Variants in MASP1 observed in about 807,000 individuals in gnomAD.
MASP1 encodes MBL associated serine protease 1, also known as mannan-binding lectin serine protease 1.
MASP1 carries 59 observed loss-of-function variants against 77.1 expected under a neutral mutation model. The observed-to-expected ratio is 0.77, with a 90% CI of 0.62 to 0.95. The LOEUF (loss-of-function observed/expected upper bound fraction) is 0.95, where lower values mean the gene tolerates loss of function less well. MASP1 is among the 40% of genes least tolerant of loss of function. The pLI is 0.00. For synonymous variants in MASP1, 362 were observed against 354.5 expected, an observed-to-expected ratio of 1.02 and a Z score of -0.24; for missense variants, 885 against 912.9, an observed-to-expected ratio of 0.97 and a Z score of 0.39.
At chr3:187,245,389 C>T (rs1489460740) in intron 8 of MASP1, among the ~76,000 whole-genome samples, 1 of 152,010 alleles carries the variant, frequency 6.6e-6, no homozygotes, top group Non-Finnish European at 1.5e-5. Context: ...TGGACGGGCC[C>T]CTGGGAGCCT....
At chr3:187,278,821 A>G (rs959212262) in intron 2 of MASP1, among the ~76,000 whole-genome samples, 1 of 152,158 alleles carries the variant, frequency 6.6e-6, no homozygotes, top group African/African-American at 2.4e-5. Flanking sequence ...CGCTCCACAT[A>G]GTCATATCCA....
chr3:187,220,048 G>A lies in MASP1; in HGVS notation c.*23C>T, dbSNP rs538446039. 9 of 1,612,052 alleles carry A rather than the reference G, an allele frequency of 5.6e-6. No individual in the cohort carries two copies. The African/African-American group carries it at 1.2e-4, about 21-fold the overall frequency. On this transcript the variant is annotated 3_prime_UTR_variant, in exon 16 of 16. Transcript: ENST00000337774. ...TGCTACTGACTGCCCACAGCTGGTG[G>A]TGCTGGGGCTGAGGAGCCAAATTCA...
intron 6 of MASP1, among the ~76,000 whole-genome samples, chr3:187,252,256 G>A (rs1381339200): frequency 6.6e-6 from 1 of 152,182 alleles, no homozygotes; most frequent in Non-Finnish European, 1.5e-5. Context: ...GGACTCTGCT[G>A]ATTACATGAA....
rs372397038 is a variant in MASP1, at chr3:187,268,137, A to G, written c.238-5417T>C. 5.3e-4 allele frequency among the ~76,000 whole-genome samples: 80 copies of G among 152,336 alleles called. 1 individual carries two copies. The South Asian group carries it at 0.017, about 32-fold the overall frequency. ...TAAAACAGACCACTTGAATAATGCA[A>G]TGGTGAATCAATTGGCAAAACTTGT... On this transcript the variant is annotated intron_variant, in intron 2 of 10. Coordinates refer to ENST00000296280, the MANE Select transcript of MASP1 (RefSeq NM_139125.4).
intron 4 of MASP1, 77 bp from the exon 5 acceptor site, chr3:187,256,937 AT>A (rs1157191388): frequency 7.7e-7 from 1 of 1,292,364 alleles, no homozygotes; most frequent in Non-Finnish European, 1.1e-6. Flanking sequence ...TTACTATATG[AT>A]TTTCCCAATG....
intron 6 of MASP1, 85 bp from the exon 7 acceptor site, chr3:187,251,837 T>C (rs1579516200): frequency 3.0e-6 from 3 of 1,007,024 alleles, no homozygotes; most frequent in East Asian, 4.8e-5. Flanking sequence ...CAAGGCCTGA[T>C]GAAGGTGAAT....
Position 187,234,796 on chromosome 3 carries a change from A to T in MASP1, c.*888T>A. On this transcript the variant is annotated 3_prime_UTR_variant, in exon 11 of 11. Transcript: ENST00000296280. The stretch of plus-strand genomic sequence containing the variant: ...TCCAGGTAATCGACTAAGTCCCCAT[A>T]TTCGGGCCTGGGCTTCAGGTAGCCT... 7.8e-7 allele frequency: 1 copy of T among 1,287,226 alleles called. No individual in the cohort carries two copies. The highest frequency in any genetic ancestry group is 1.5e-5 in the African/African-American group (1 of 65,902). The allele number at this position is 1,287,226 out of a possible 1,614,324, so 79.7% of individuals were successfully genotyped here. A position where few individuals can be genotyped will look rare whatever the true frequency, so the allele number is the denominator to read the frequency against.
At chr3:187,218,018 T>G (rs1364682843) in exon 16 of MASP1, 1 of 152,170 alleles carries the variant, frequency 6.6e-6, no homozygotes, top group Non-Finnish European at 1.5e-5. Flanking sequence ...ACATCTTGAG[T>G]GGACATTTAC....
chr3:187,246,956 T>C, intron 8 of MASP1: 1 of 1,121,964 alleles, frequency 8.9e-7, no homozygotes, highest in South Asian at 2.6e-5. Flanking sequence ...GTAGAATGGA[T>C]TAGAAACCAC....
chr3:187,247,937 T>C (rs1560249855), intron 8 of MASP1, among the ~76,000 whole-genome samples: 1 of 152,208 alleles, frequency 6.6e-6, no homozygotes, highest in Non-Finnish European at 1.5e-5. Context: ...GTGATATCTA[T>C]CTTTTTAAAA....
chr3:187,288,883 C>T (rs1183203401), intron 1 of MASP1, among the ~76,000 whole-genome samples: 1 of 152,160 alleles, frequency 6.6e-6, no homozygotes, highest in Non-Finnish European at 1.5e-5. Flanking sequence ...AGGAAGCTTT[C>T]CCTTCTACTT....
At chr3:187,227,805 C>T (rs1314338133) in intron 11 of MASP1, among the ~76,000 whole-genome samples, 1 of 152,130 alleles carries the variant, frequency 6.6e-6, no homozygotes. Flanking sequence ...TTAGATGAAC[C>T]CAGGGGTGTA....
intron 8 of MASP1, chr3:187,247,002 A>G (rs1714137999): frequency 8.0e-7 from 1 of 1,247,486 alleles, no homozygotes; most frequent in Non-Finnish European, 1.0e-6. Context: ...ATGGTTGTAT[A>G]TTAAATCTTT....
chr3:187,273,466 T>G (rs1385257565), intron 2 of MASP1, among the ~76,000 whole-genome samples: 2 of 152,196 alleles, frequency 1.3e-5, no homozygotes, highest in African/African-American at 4.8e-5. Context: ...GTCTAGGAAT[T>G]TCTCTCTTTA....
chr3:187,284,293 T>C (rs188827533), intron 2 of MASP1, among the ~76,000 whole-genome samples: 2 of 152,294 alleles, frequency 1.3e-5, no homozygotes, highest in South Asian at 2.1e-4. Flanking sequence ...TCATCCCATA[T>C]AGCAGTGGTT....
At chr3:187,288,427 G>C (rs1002017618) in intron 1 of MASP1, among the ~76,000 whole-genome samples, 3 of 152,206 alleles carry the variant, frequency 2.0e-5, no homozygotes, top group African/African-American at 7.2e-5. Context: ...GGTCAAAAGA[G>C]CTAGATTCAG....
downstream of MASP1, among the ~76,000 whole-genome samples, chr3:187,229,316 TC>T (rs1394154776): frequency 3.9e-5 from 6 of 152,190 alleles, no homozygotes; most frequent in Non-Finnish European, 8.8e-5. Flanking sequence ...AATGGATGTC[TC>T]ACTGATCTCC....
intron 8 of MASP1, chr3:187,246,223 C>T: frequency 3.9e-6 from 1 of 254,294 alleles, no homozygotes; most frequent in Non-Finnish European, 6.2e-6. Context: ...TGGAACTCTT[C>T]ACTCATGTTT....
chr3:187,274,816 C>T (rs1299344729), intron 2 of MASP1, among the ~76,000 whole-genome samples: 1 of 152,106 alleles, frequency 6.6e-6, no homozygotes, highest in Non-Finnish European at 1.5e-5. Context: ...ATTGCCCATT[C>T]TCGGGAGGGC....
Sources: allele counts gnomAD v4.1 joint callset (sites outside exome capture counted in the v4.1 genomes callset), GRCh38; gene constraint gnomAD v4.1.1; transcripts MANE v1.5; gene names NCBI Gene and HGNC (gene_info 2026-07-23, HGNC 2026-07-21).